TRNAU1AP: variants seen among roughly 807,000 people sequenced by gnomAD.
TRNAU1AP encodes tRNA selenocysteine 1 associated protein 1.
Under a neutral mutation model 43.3 loss-of-function variants are expected in TRNAU1AP, and 33 were observed. That is an observed-to-expected ratio of 0.76 (90% CI 0.58 to 1.02). The LOEUF (loss-of-function observed/expected upper bound fraction) is 1.02. Among genes scored for constraint, TRNAU1AP ranks in the 50% least tolerant of loss-of-function variants. The pLI is 0.00. For synonymous variants in TRNAU1AP, 143 were observed against 129.1 expected, an observed-to-expected ratio of 1.11 and a Z score of -0.73; for missense variants, 290 against 362.7, an observed-to-expected ratio of 0.80 and a Z score of 1.63.
At chr1:28,562,802 C>T (rs534994920) in intron 4 of TRNAU1AP, among the ~76,000 whole-genome samples, 5 of 151,870 alleles carry the variant, frequency 3.3e-5, no homozygotes, top group African/African-American at 7.2e-5. Context: ...AGGATGGTCT[C>T]GATCTCCTGA....
intron 5 of TRNAU1AP, 134 bp from the exon 6 acceptor site, chr1:28,567,160 C>G: frequency 2.3e-6 from 2 of 882,764 alleles, no homozygotes; most frequent in Non-Finnish European, 3.4e-6. Flanking sequence ...GTTTAATGGA[C>G]TCTCTCTTTC....
intron 4 of TRNAU1AP, 95 bp downstream of exon 4, chr1:28,561,493 T>G: frequency 7.2e-7 from 1 of 1,389,542 alleles, no homozygotes; most frequent in Non-Finnish European, 1.0e-6. Flanking sequence ...CTGCACTTGG[T>G]TCCCTCCTGA....
At chr1:28,553,773 G>A (rs75273522) in intron 2 of TRNAU1AP, 36 bp downstream of exon 2, 2 of 1,554,302 alleles carry the variant, frequency 1.3e-6, no homozygotes, top group East Asian at 4.5e-5. Flanking sequence ...AATACATCTC[G>A]TTGCAGCTGT....
At chr1:28,561,198 A>C in intron 3 of TRNAU1AP, 148 bp from the exon 4 acceptor site, 1 of 1,470,714 alleles carries the variant, frequency 6.8e-7, no homozygotes, top group East Asian at 2.5e-5. Context: ...CATCCGTGCA[A>C]CCCCCTCATT....
At chr1:28,576,332 T>A (rs1665780344) in intron 8 of TRNAU1AP, among the ~76,000 whole-genome samples, 1 of 151,352 alleles carries the variant, frequency 6.6e-6, no homozygotes, top group Non-Finnish European at 1.5e-5. Flanking sequence ...TTTTTTTTTT[T>A]TTTTGAGATG....
intron 5 of TRNAU1AP, 78 bp downstream of exon 5, chr1:28,564,912 GC>G: frequency 6.4e-7 from 1 of 1,574,530 alleles, no homozygotes; most frequent in Non-Finnish European, 8.7e-7. Context: ...TTTTAGAAAG[GC>G]CCTGCAGCAT....
At chr1:28,568,265 A>G (rs79964689) in intron 6 of TRNAU1AP, among the ~76,000 whole-genome samples, 2,744 of 152,162 alleles carry the variant, frequency 0.018, 83 homozygotes, top group African/African-American at 0.063. Context: ...TACAACTCCA[A>G]ACTTTTCTCT....
At chr1:28,570,768 A>G (rs374833068) in intron 6 of TRNAU1AP, among the ~76,000 whole-genome samples, 5 of 152,218 alleles carry the variant, frequency 3.3e-5, no homozygotes, top group East Asian at 3.9e-4. Flanking sequence ...CACTTATTGC[A>G]TATGGTTGTT....
Position 28,562,671 on chromosome 1 carries a change from C to T in TRNAU1AP, c.278+1273C>T, listed in dbSNP as rs539201909. On this transcript the variant is annotated intron_variant, in intron 4 of 8. Coordinates refer to ENST00000373830, the MANE Select transcript of TRNAU1AP (RefSeq NM_017846.5). ...TCTCTGCTCACTGCAAGCTCCGCCT[C>T]CCGGGTTCATGCCGTTCTCCTGCCT... Among the ~76,000 whole-genome samples the T allele has an allele frequency of 2.6e-5, 4 of 151,502 alleles. No homozygotes were observed. In the East Asian group the frequency reaches 7.8e-4, roughly 29 times the overall value.
At chr1:28,571,105 G>T in intron 6 of TRNAU1AP, 71 bp from the exon 7 acceptor site, 1 of 1,468,104 alleles carries the variant, frequency 6.8e-7, no homozygotes, top group Non-Finnish European at 9.5e-7. Context: ...ACTTAAAATA[G>T]TCTGTGGCCA....
At chr1:28,563,321 G>A (rs1665457123) in intron 4 of TRNAU1AP, among the ~76,000 whole-genome samples, 1 of 151,732 alleles carries the variant, frequency 6.6e-6, no homozygotes, top group Admixed American at 6.6e-5. Flanking sequence ...AGGCTGAGAC[G>A]GGCAGATCAC....
At position 28,571,290 on chromosome 1, in the gene TRNAU1AP, C is replaced by T; in HGVS notation, c.645C>T (p.Ser215=). ...AQWGYDQNTG[S]YSYSYPQYGY... ...GGGGCTATGACCAGAACACAGGCAG[C>T]TACAGCTACAGTTACCCCCAGTATG... Residue 215 remains serine (S), a synonymous_variant, in exon 7 of 9, where the codon AGC becomes AGT. Coordinates refer to ENST00000373830, the MANE Select transcript of TRNAU1AP (RefSeq NM_017846.5). The T allele has an allele frequency of 6.2e-7, 1 of 1,614,014 alleles. No homozygotes were observed. Among genetic ancestry groups the T allele is most frequent in the Non-Finnish European group, 8.5e-7 (1 of 1,179,934 alleles).
chr1:28,572,297 A>C (rs926207986), intron 8 of TRNAU1AP, among the ~76,000 whole-genome samples: 3 of 152,006 alleles, frequency 2.0e-5, no homozygotes, highest in Admixed American at 2.0e-4. Context: ...AGGTTCAAGC[A>C]ATTCTCCTGC....
At chr1:28,568,955 G>A (rs1356402698) in intron 6 of TRNAU1AP, among the ~76,000 whole-genome samples, 1 of 152,080 alleles carries the variant, frequency 6.6e-6, no homozygotes, top group African/African-American at 2.4e-5. Context: ...GGGACTACAG[G>A]CATGTGCCAC....
intron 2 of TRNAU1AP, among the ~76,000 whole-genome samples, chr1:28,555,354 CAATA>C (rs758550005): frequency 6.6e-6 from 1 of 152,092 alleles, no homozygotes; most frequent in Non-Finnish European, 1.5e-5. Context: ...GGGAATGAGA[CAATA>C]AATAAGTAAA....
chr1:28,571,726 T>G, intron 7 of TRNAU1AP, 141 bp from the exon 8 acceptor site: 1 of 641,834 alleles, frequency 1.6e-6, no homozygotes, highest in East Asian at 2.6e-5. Context: ...GGTGTTGCAG[T>G]GAGCCGAGAT....
At chr1:28,560,569 C>A in intron 2 of TRNAU1AP, 64 bp from the exon 3 acceptor site, 2 of 1,381,990 alleles carry the variant, frequency 1.4e-6, no homozygotes, top group Non-Finnish European at 2.1e-6. Flanking sequence ...AGCCATCACG[C>A]CTGGCCTCAT....
chr1:28,572,792 G>A (rs1006072163), intron 8 of TRNAU1AP, among the ~76,000 whole-genome samples: 15 of 151,140 alleles, frequency 9.9e-5, no homozygotes, highest in Non-Finnish European at 1.2e-4. Flanking sequence ...AAAATTAGCC[G>A]GGTGTGGTGA....
intron 6 of TRNAU1AP, among the ~76,000 whole-genome samples, chr1:28,569,450 G>A (rs1244324143): frequency 6.6e-6 from 1 of 152,002 alleles, no homozygotes; most frequent in Non-Finnish European, 1.5e-5. Context: ...CCAGCACTTT[G>A]GGAGGCCGAG....
Sources: gnomAD v4.1 joint callset for allele counts (sites outside exome capture counted in the v4.1 genomes callset) on GRCh38, gnomAD v4.1.1 for gene constraint, MANE v1.5 for transcripts, NCBI Gene and HGNC (gene_info 2026-07-23, HGNC 2026-07-21) for gene names.